NDUFAF7: variants seen among roughly 807,000 people sequenced by gnomAD.
The protein encoded by NDUFAF7 is NADH:ubiquinone oxidoreductase complex assembly factor 7, also known as protein arginine methyltransferase NDUFAF7, mitochondrial.
Under a neutral mutation model 47.2 loss-of-function variants are expected in NDUFAF7, and 48 were observed. That is an observed-to-expected ratio of 1.02 (90% CI 0.81 to 1.29). NDUFAF7 has a LOEUF of 1.29. NDUFAF7 is among the 50% of genes most tolerant of loss of function. The probability of loss-of-function intolerance (pLI) is 0.00; values close to 1 mark genes in which losing one functional copy is unlikely to be tolerated. For missense variants in NDUFAF7, 635 were observed against 537.6 expected (o/e 1.18, Z -1.79); for synonymous variants, 217 against 190.0 (o/e 1.14, Z -1.17).
At chr2:37,241,926 A>G (rs1419299381) in intron 5 of NDUFAF7, 135 bp downstream of exon 5, 2 of 714,882 alleles carry the variant, frequency 2.8e-6, no homozygotes, top group Non-Finnish European at 4.5e-6. Context: ...AGAGTAGCCT[A>G]CTTTTTTCTA....
At chr2:37,242,313 C>T (rs544339042) in intron 5 of NDUFAF7, 3 of 289,212 alleles carry the variant, frequency 1.0e-5, no homozygotes, top group South Asian at 7.2e-5. Context: ...CCTCAGCCTT[C>T]TCAGGCTGAG....
downstream of NDUFAF7, chr2:37,253,030 T>G (rs969383499): frequency 1.1e-5 from 8 of 706,230 alleles, no homozygotes; most frequent in African/African-American, 1.5e-4. Flanking sequence ...CTACTCATTA[T>G]GAACTACAGT....
At chr2:37,262,645 T>A in the NDUFAF7 span, among the ~76,000 whole-genome samples, 2 of 151,706 alleles carry the variant, frequency 1.3e-5, no homozygotes, top group African/African-American at 4.9e-5. Context: ...AATGTGACTG[T>A]TTTGCTAGGC....
the NDUFAF7 span, among the ~76,000 whole-genome samples, chr2:37,261,529 C>G: frequency 1.3e-5 from 2 of 151,834 alleles, no homozygotes; most frequent in African/African-American, 2.4e-5. Context: ...GCCTGTAATC[C>G]CAACATTTTG....
the NDUFAF7 span, chr2:37,268,585 C>T: frequency 4.2e-6 from 1 of 236,964 alleles, no homozygotes; most frequent in Non-Finnish European, 8.4e-6. Context: ...GCAGGAGTAC[C>T]AAAGGGGAAC....
downstream of NDUFAF7, chr2:37,254,298 A>C (rs1572596494): frequency 1.2e-6 from 2 of 1,607,994 alleles, no homozygotes; most frequent in East Asian, 4.5e-5. Context: ...TGCTAAGGGA[A>C]AAGACAAAAC....
chr2:37,244,061 T>A, intron 7 of NDUFAF7, 88 bp downstream of exon 7: 1 of 1,168,286 alleles, frequency 8.6e-7, no homozygotes, highest in Admixed American at 2.1e-5. Context: ...AGTTTTAGAG[T>A]TCCTTTACAG....
At chr2:37,232,739 C>T (rs1665300542) in intron 2 of NDUFAF7, among the ~76,000 whole-genome samples, 1 of 152,174 alleles carries the variant, frequency 6.6e-6, no homozygotes. Context: ...GCATTGGAGA[C>T]ATGTGCTGGG....
At chr2:37,257,645 G>A (rs894856590), downstream of NDUFAF7, among the ~76,000 whole-genome samples, 7 of 131,770 alleles carry the variant, frequency 5.3e-5, no homozygotes, top group South Asian at 5.1e-4. Flanking sequence ...CAGCCTGGGC[G>A]ACAGAGTGAA....
intron 2 of NDUFAF7, among the ~76,000 whole-genome samples, chr2:37,233,832 G>C (rs1205408230): frequency 1.3e-5 from 2 of 152,070 alleles, no homozygotes; most frequent in Non-Finnish European, 2.9e-5. Flanking sequence ...ATAGAAATCA[G>C]GGGTTTCATG....
chr2:37,255,138 CAGG>C (rs1363563526), downstream of NDUFAF7, among the ~76,000 whole-genome samples: 8 of 152,210 alleles, frequency 5.3e-5, no homozygotes, highest in Admixed American at 5.2e-4. Flanking sequence ...CACACTGCCT[CAGG>C]AGGTCTGAGA....
chr2:37,235,336 A>G (rs1349499433), intron 2 of NDUFAF7, among the ~76,000 whole-genome samples: 4 of 152,318 alleles, frequency 2.6e-5, no homozygotes, highest in South Asian at 2.1e-4. Context: ...TTACAGCTCA[A>G]TGAATTTTCA....
chr2:37,232,583 A>G (rs1665280376), intron 2 of NDUFAF7, among the ~76,000 whole-genome samples: 1 of 152,052 alleles, frequency 6.6e-6, no homozygotes, highest in Non-Finnish European at 1.5e-5. Flanking sequence ...TTGCTTTGGG[A>G]GAAGGAATAC....
chr2:37,237,929 C>G, intron 4 of NDUFAF7, 62 bp downstream of exon 4: 1 of 1,147,998 alleles, frequency 8.7e-7, no homozygotes, highest in Non-Finnish European at 1.3e-6. Context: ...TCTGAGTGTG[C>G]AAACCATGTT....
At position 37,243,713 on chromosome 2, in the gene NDUFAF7, A is replaced by G. The variant is rs1666607161; in HGVS notation, c.682-150A>G. 7.6e-6 allele frequency: 5 copies of G among 656,274 alleles called. No individual in the cohort carries two copies. The Admixed American group carries it at 9.4e-5, about 12-fold the overall frequency. The allele number at this position is 656,274 out of a possible 1,614,324, so 40.7% of individuals were successfully genotyped here. On this transcript the variant is annotated intron_variant, in intron 6 of 9. Coordinates refer to ENST00000002125, the MANE Select transcript of NDUFAF7 (RefSeq NM_144736.5). ...ATTGGTCTACTCATTGTTCAAAGGC[A>G]ATGAAGTAATGAATTTAAGTAATTT...
At chr2:37,267,692 G>A in the NDUFAF7 span, 2 of 592,872 alleles carry the variant, frequency 3.4e-6, no homozygotes, top group East Asian at 6.1e-5. Context: ...TTTAATTTAG[G>A]AAAAAATTGT....
chr2:37,259,057 A>G, the NDUFAF7 span, among the ~76,000 whole-genome samples: 1 of 152,150 alleles, frequency 6.6e-6, no homozygotes, highest in Non-Finnish European at 1.5e-5. Flanking sequence ...ACTTGGAAAA[A>G]AAAAAAACTC....
intron 3 of NDUFAF7, among the ~76,000 whole-genome samples, chr2:37,237,255 C>T (rs1332811121): frequency 1.3e-5 from 2 of 152,226 alleles, no homozygotes; most frequent in African/African-American, 4.8e-5. Flanking sequence ...TAGGCGTGAG[C>T]CACCACGCCC....
At chr2:37,258,774 T>C in the NDUFAF7 span, among the ~76,000 whole-genome samples, 1 of 152,226 alleles carries the variant, frequency 6.6e-6, no homozygotes, top group South Asian at 2.1e-4. Flanking sequence ...ATCTTTTTAT[T>C]TGAAAAGACA....
Sources: allele counts gnomAD v4.1 joint callset (sites outside exome capture counted in the v4.1 genomes callset), GRCh38; gene constraint gnomAD v4.1.1; transcripts MANE v1.5; gene names NCBI Gene and HGNC (gene_info 2026-07-23, HGNC 2026-07-21).